Variants in HID1 observed in about 807,000 individuals in gnomAD.
HID1 encodes HID1 domain containing.
HID1 carries 42 observed loss-of-function variants against 89.7 expected under a neutral mutation model. The observed-to-expected ratio is 0.47, with a 90% CI of 0.37 to 0.61. The LOEUF (loss-of-function observed/expected upper bound fraction) is 0.61, where lower values mean the gene tolerates loss of function less well. HID1 is among the 20% of genes least tolerant of loss of function. The pLI is 0.00. For synonymous variants in HID1, 442 were observed against 433.8 expected, an observed-to-expected ratio of 1.02 and a Z score of -0.24; for missense variants, 854 against 1,039.3, an observed-to-expected ratio of 0.82 and a Z score of 2.45.
chr17:74,953,142 G>T, intron 15 of HID1, 56 bp from the exon 16 acceptor site: 1 of 1,367,746 alleles, frequency 7.3e-7, no homozygotes, highest in Non-Finnish European at 1.0e-6. Flanking sequence ...GAGGGGTGGA[G>T]TGGGGGGCAA....
At chr17:74,970,313 G>A (rs1056315172) in intron 1 of HID1, among the ~76,000 whole-genome samples, 1 of 152,178 alleles carries the variant, frequency 6.6e-6, no homozygotes, top group Non-Finnish European at 1.5e-5. Context: ...TGACTCTCAG[G>A]GTGTGCAGGG....
intron 3 of HID1, chr17:74,963,441 C>T: frequency 2.0e-6 from 1 of 509,942 alleles, no homozygotes; most frequent in Non-Finnish European, 3.5e-6. Context: ...AGTGTGGTCC[C>T]TCTCCGGCCC....
At chr17:74,954,023 G>A (rs1049140883) in intron 14 of HID1, 115 bp downstream of exon 14, 24 of 1,028,532 alleles carry the variant, frequency 2.3e-5, no homozygotes, top group Non-Finnish European at 2.8e-5. Context: ...CCATCCCCTC[G>A]GCTTCCATAC....
At chr17:74,952,150 A>G in intron 17 of HID1, 87 bp from the exon 18 acceptor site, 1 of 1,520,032 alleles carries the variant, frequency 6.6e-7, no homozygotes, top group Non-Finnish European at 8.9e-7. Context: ...CATGTTTCCC[A>G]TCACACGCCT....
In HID1 at chr17:74,962,217, G is replaced by A. The variant is rs1218420840; in HGVS notation, c.611+17C>T. On this transcript the variant is annotated intron_variant, in intron 5 of 18. Coordinates refer to ENST00000425042, the MANE Select transcript of HID1 (RefSeq NM_030630.3). The surrounding 1 kb of genome is among the most constrained non-coding windows in gnomAD (Gnocchi z 4.3). The stretch of plus-strand genomic sequence containing the variant: ...GGTCCAGCTGCATTGAGGGCTCCGG[G>A]CCTGGGCGAAGCTCACCGGTTCATA... 1.3e-6 allele frequency: 2 copies of A among 1,589,394 alleles called. No homozygotes were observed. Among genetic ancestry groups the A allele is most frequent in the Non-Finnish European group, 1.7e-6 (2 of 1,160,820 alleles).
At position 74,958,663 on chromosome 17, in the gene HID1, C is replaced by CCG; in HGVS notation, c.1240+9_1240+10insCG. 6.3e-7 allele frequency: 1 copy of CCG among 1,595,630 alleles called. No individual in the cohort carries two copies. Among genetic ancestry groups the CCG allele is most frequent in the Non-Finnish European group, 8.6e-7 (1 of 1,164,210 alleles). ...AAGCCCCCAGCATCCCACCCCCACC[C>CCG]TGGTCTTACACTGATCGGCCCGGGC... On this transcript the variant is annotated intron_variant, in intron 10 of 18. Coordinates refer to ENST00000425042, the MANE Select transcript of HID1 (RefSeq NM_030630.3). The surrounding 1 kb of genome is among the most constrained non-coding windows in gnomAD (Gnocchi z 5.2).
intron 1 of HID1, among the ~76,000 whole-genome samples, chr17:74,968,745 T>C (rs2039599772): frequency 6.6e-6 from 1 of 152,186 alleles, no homozygotes; most frequent in African/African-American, 2.4e-5. Context: ...GGAGTGCCTC[T>C]GGGAAGCCGC....
intron 12 of HID1, among the ~76,000 whole-genome samples, 185 bp from the exon 13 acceptor site, chr17:74,956,141 A>C (rs576297261): frequency 4.6e-5 from 7 of 152,296 alleles, no homozygotes; most frequent in African/African-American, 1.7e-4. Flanking sequence ...CCTGGGAGGC[A>C]GTTAGGCCCC....
rs1157798393 is a variant in HID1 at position 74,972,303 on chromosome 17, C to A, written c.66+288G>T. Among the ~76,000 whole-genome samples the A allele has an allele frequency of 6.6e-6, 1 of 152,024 alleles. No homozygotes were observed. Among genetic ancestry groups the A allele is most frequent in the East Asian group, 1.9e-4 (1 of 5,180 alleles). ...GCCGCGGGGCGGGACAGGGGGCGGA[C>A]AGCTGTGTCGCCGGCTCGGGGAGTA... is the stretch of plus-strand genomic sequence containing the variant. On this transcript the variant is annotated intron_variant, in intron 1 of 18. Transcript: ENST00000425042. This position sits in a 1 kb window ranked among gnomAD's most constrained non-coding sequence, Gnocchi z 6.4.
chr17:74,960,863 C>T (rs1341474155), intron 6 of HID1, among the ~76,000 whole-genome samples: 2 of 152,194 alleles, frequency 1.3e-5, no homozygotes, highest in Non-Finnish European at 2.9e-5. Flanking sequence ...GGCACAGACC[C>T]TATGCAGCCA....
chr17:74,954,330 G>A lies in HID1; in HGVS notation c.1672C>T (p.Arg558Cys), dbSNP rs781383390. ...SNLVYAIIRK[R>C]SIFHQLANLP... The stretch of plus-strand genomic sequence containing the variant: ...TTGGCCAGCTGGTGGAAGATGCTGC[G>A]CTTGCGGATGATGGCGTAGACCAGG... Residue 558 changes from arginine to cysteine, a missense_variant, in exon 14 of 19, where the codon CGC becomes TGC. Transcript: ENST00000425042. 29 of 1,581,062 alleles carry A rather than the reference G, an allele frequency of 1.8e-5. No individual in the cohort carries two copies. Among genetic ancestry groups the A allele is most frequent in the African/African-American group, 9.4e-5 (7 of 74,268 alleles).
At chr17:74,971,803 G>A (rs773057625) in intron 1 of HID1, among the ~76,000 whole-genome samples, 7 of 152,240 alleles carry the variant, frequency 4.6e-5, no homozygotes, top group Admixed American at 2.6e-4. Flanking sequence ...TGGACTCACA[G>A]GAGAGTTATG....
At chr17:74,953,115 G>T (rs1161019307) in intron 15 of HID1, 29 bp from the exon 16 acceptor site, 4 of 1,562,814 alleles carry the variant, frequency 2.6e-6, no homozygotes, top group Non-Finnish European at 3.5e-6. Flanking sequence ...CAGGGGTGAG[G>T]GATGGTGGCG....
chr17:74,964,647 AG>A lies in HID1; in HGVS notation c.67-16del. ...GCTTCCACGGGCTGTGGGGGGACCA[AG>A]GGTCCAGAGTTACACAACTCCTGGC... On this transcript the variant is annotated splice_polypyrimidine_tract_variant and intron_variant, in intron 1 of 18. Coordinates refer to ENST00000425042, the MANE Select transcript of HID1 (RefSeq NM_030630.3). 1 of 1,607,902 alleles carries A rather than the reference AG, an allele frequency of 6.2e-7. No individual in the cohort carries two copies. The highest frequency in any genetic ancestry group is 8.5e-7 in the Non-Finnish European group (1 of 1,177,780).
chr17:74,960,063 T>C lies in HID1; in HGVS notation c.914A>G (p.Asp305Gly). 6.2e-7 allele frequency: 1 copy of C among 1,613,732 alleles called. No individual in the cohort carries two copies. Among genetic ancestry groups the C allele is most frequent in the South Asian group, 1.1e-5 (1 of 91,084 alleles). ...DSASSASPTV[D>G]GTTTGTAMDD... is the part of the protein sequence containing the mutation. ...CATGGCGGTGCCAGTGGTGGTGCCGTCCACAGTGGGGCTGGCACTGCTGGC... is the reference window on the plus strand; with the variant it reads ...CATGGCGGTGCCAGTGGTGGTGCCGCCCACAGTGGGGCTGGCACTGCTGGC... Residue 305 changes from aspartate to glycine, a missense_variant, in exon 7 of 19, where the codon GAC becomes GGC. Physicochemically the swap from Asp to Gly is moderately conservative, Grantham distance 94. Transcript: ENST00000425042.
Position 74,962,332 on chromosome 17 carries a change from T to C in HID1, c.513A>G (p.Ala171=), listed in dbSNP as rs2144817219. ...AGCTGTCCAGGGAGTGGACGTCCTC[T>C]GCCGAGTCCTGGGGACAGGCCAGGA... ...QSHRRSTVDS[A]EDVHSLDSCE... The change falls in exon 5 of 19, where the codon GCA becomes GCG. Residue 171 remains alanine (A), a synonymous_variant. Transcript: ENST00000425042. The surrounding 1 kb of genome is among the most constrained non-coding windows in gnomAD (Gnocchi z 4.3). 1 of 1,608,710 alleles carries C rather than the reference T, an allele frequency of 6.2e-7. No individual in the cohort carries two copies. The highest frequency in any genetic ancestry group is 1.7e-5 in the Admixed American group (1 of 59,842).
intron 6 of HID1, 197 bp downstream of exon 6, chr17:74,961,676 G>A: frequency 5.5e-6 from 2 of 360,526 alleles, no homozygotes; most frequent in Non-Finnish European, 1.0e-5. Context: ...GATTACTGAG[G>A]GGCCCCCAGA....
chr17:74,954,063 G>T, intron 14 of HID1, 75 bp downstream of exon 14: 1 of 1,368,236 alleles, frequency 7.3e-7, no homozygotes, highest in South Asian at 1.2e-5. Context: ...AGAGATGGGG[G>T]TGACACCCCG....
rs775790857 is a variant in HID1, at chr17:74,958,414, G to A, written c.1305C>T (p.Phe435=). The part of the protein sequence containing the change: ...ILLLLSGERN[F]GVRLNKPYSI... ...AGTAGGGTTTGTTCAGCCGCACCCC[G>A]AAGTTCCGCTCCCCGCTCAGAAGCA... The change falls in exon 11 of 19, where the codon TTC becomes TTT. Residue 435 remains phenylalanine, a synonymous_variant. Coordinates refer to ENST00000425042, the MANE Select transcript of HID1 (RefSeq NM_030630.3). This position sits in a 1 kb window ranked among gnomAD's most constrained non-coding sequence, Gnocchi z 5.2. The A allele has an allele frequency of 1.9e-5, 31 of 1,607,224 alleles. No individual in the cohort carries two copies. Among genetic ancestry groups the A allele is most frequent in the East Asian group, 4.5e-5 (2 of 44,654 alleles).
Sources: allele counts gnomAD v4.1 joint callset (sites outside exome capture counted in the v4.1 genomes callset), GRCh38; gene constraint gnomAD v4.1.1; non-coding constraint Gnocchi (gnomAD v3.1); transcripts MANE v1.5; gene names NCBI Gene and HGNC (gene_info 2026-07-23, HGNC 2026-07-21).